LSAMP: variants seen among roughly 807,000 people sequenced by gnomAD.
LSAMP encodes the protein limbic system associated membrane protein.
In LSAMP, 7 loss-of-function variants were observed where a neutral mutation model predicts 38.6. The observed-to-expected ratio is 0.18, with a 90% CI of 0.10 to 0.34. The LOEUF (loss-of-function observed/expected upper bound fraction) is 0.34. LSAMP is among the 10% of genes least tolerant of loss of function. LSAMP has a pLI of 1.00. For missense variants in LSAMP, 313 were observed against 420.0 expected (o/e 0.75, Z 2.23); for synonymous variants, 154 against 166.8 (o/e 0.92, Z 0.59).
At chr3:116,088,783 C>A (rs1462962414) in intron 1 of LSAMP, among the ~76,000 whole-genome samples, 1 of 152,100 alleles carries the variant, frequency 6.6e-6, no homozygotes, top group Non-Finnish European at 1.5e-5. Context: ...GAAAAAATAC[C>A]ACGTAATATA....
At chr3:115,981,915 A>C (rs373451842) in intron 3 of LSAMP, among the ~76,000 whole-genome samples, 1 of 152,202 alleles carries the variant, frequency 6.6e-6, no homozygotes, top group Non-Finnish European at 1.5e-5. Context: ...AGCCCAATCC[A>C]TGTGTGACTA....
At chr3:115,879,912 T>C (rs555802259) in intron 3 of LSAMP, among the ~76,000 whole-genome samples, 1 of 152,252 alleles carries the variant, frequency 6.6e-6, no homozygotes, top group South Asian at 2.1e-4. Flanking sequence ...GAGTTTAAAA[T>C]GTTAGCATAA....
At chr3:116,299,386 G>T (rs1463270622) in intron 1 of LSAMP, among the ~76,000 whole-genome samples, 1 of 152,198 alleles carries the variant, frequency 6.6e-6, no homozygotes, top group Non-Finnish European at 1.5e-5. Flanking sequence ...AAAAGATTCT[G>T]CAGAACCACA....
intron 3 of LSAMP, among the ~76,000 whole-genome samples, chr3:115,861,642 G>A (rs1935705784): frequency 6.6e-6 from 1 of 152,184 alleles, no homozygotes; most frequent in African/African-American, 2.4e-5. Context: ...TAGGTTGGAA[G>A]CTAATGACTT....
At chr3:116,443,826 G>T (rs1416041545) in intron 1 of LSAMP, among the ~76,000 whole-genome samples, 1 of 152,126 alleles carries the variant, frequency 6.6e-6, no homozygotes, top group Non-Finnish European at 1.5e-5. Flanking sequence ...GTTAGCATCT[G>T]CCAGAAATTC....
intron 1 of LSAMP, among the ~76,000 whole-genome samples, chr3:116,333,226 C>T (rs1439248970): frequency 6.6e-6 from 1 of 151,892 alleles, no homozygotes; most frequent in African/African-American, 2.4e-5. Flanking sequence ...TACATTAGGC[C>T]ACAAAGGAAG....
At chr3:115,983,015 T>G (rs1056166286) in intron 3 of LSAMP, among the ~76,000 whole-genome samples, 4 of 151,212 alleles carry the variant, frequency 2.6e-5, no homozygotes, top group Non-Finnish European at 5.9e-5. Context: ...AATTTAAAAG[T>G]AATGCTATGG....
chr3:116,028,836 T>C (rs1290459546), intron 2 of LSAMP, among the ~76,000 whole-genome samples: 1 of 152,050 alleles, frequency 6.6e-6, no homozygotes, highest in Non-Finnish European at 1.5e-5. Flanking sequence ...AATTAATCAT[T>C]AATTGTGGCA....
chr3:115,998,164 G>C (rs1209247185), intron 3 of LSAMP, among the ~76,000 whole-genome samples: 1 of 151,620 alleles, frequency 6.6e-6, no homozygotes, highest in Admixed American at 6.6e-5. Flanking sequence ...ACAGTGAGAG[G>C]GGGAGAAAGA....
chr3:116,100,371 C>T (rs989898748), intron 1 of LSAMP, among the ~76,000 whole-genome samples: 1 of 152,090 alleles, frequency 6.6e-6, no homozygotes, highest in Non-Finnish European at 1.5e-5. Flanking sequence ...TAAGCCACCA[C>T]CCCCAGCCAA....
At chr3:115,860,976 C>A (rs1935660906) in intron 3 of LSAMP, among the ~76,000 whole-genome samples, 1 of 152,118 alleles carries the variant, frequency 6.6e-6, no homozygotes, top group African/African-American at 2.4e-5. Context: ...TCCTTTAAGC[C>A]TGCCAGCACC....
chr3:116,178,671 A>G (rs1435351065), intron 1 of LSAMP, among the ~76,000 whole-genome samples: 2 of 152,194 alleles, frequency 1.3e-5, no homozygotes, highest in African/African-American at 4.8e-5. Context: ...AAGGCTACCA[A>G]ACAAAGAAAC....
intron 1 of LSAMP, among the ~76,000 whole-genome samples, chr3:116,180,231 A>G (rs1274572235): frequency 6.6e-6 from 1 of 152,164 alleles, no homozygotes; most frequent in Non-Finnish European, 1.5e-5. Context: ...TTAGAGTTCA[A>G]CTGAGGCAAT....
At chr3:116,208,717 G>T (rs1294548379) in intron 1 of LSAMP, among the ~76,000 whole-genome samples, 4 of 141,036 alleles carry the variant, frequency 2.8e-5, no homozygotes, top group East Asian at 4.5e-4. Flanking sequence ...CTGCTCGGGG[G>T]TCAGGGGTCA....
At chr3:116,082,355 G>A (rs1379532790) in intron 2 of LSAMP, among the ~76,000 whole-genome samples, 1 of 152,194 alleles carries the variant, frequency 6.6e-6, no homozygotes, top group African/African-American at 2.4e-5. Context: ...TAGATCCTTA[G>A]AGTAGTAGCT....
chr3:116,444,348 A>G (rs1348891962), intron 1 of LSAMP, among the ~76,000 whole-genome samples: 5 of 144,650 alleles, frequency 3.5e-5, no homozygotes, highest in Non-Finnish European at 6.1e-5. Context: ...CAACCTTGAT[A>G]TGTGTGTGTG....
At chr3:115,962,094 A>G (rs1015363813) in intron 3 of LSAMP, among the ~76,000 whole-genome samples, 86 of 152,176 alleles carry the variant, frequency 5.7e-4, no homozygotes, top group African/African-American at 2.0e-3. Context: ...TCAAAATCAC[A>G]TAAACAGTAA....
chr3:116,148,735 AG>A (rs1227209573), intron 1 of LSAMP, among the ~76,000 whole-genome samples: 4 of 152,036 alleles, frequency 2.6e-5, no homozygotes, highest in African/African-American at 7.2e-5. Flanking sequence ...CATCTGTCAG[AG>A]TAATTTAACA....
intron 1 of LSAMP, among the ~76,000 whole-genome samples, chr3:116,338,966 T>C (rs1447345186): frequency 6.6e-6 from 1 of 152,020 alleles, no homozygotes; most frequent in Non-Finnish European, 1.5e-5. Flanking sequence ...CCTGCTGTGA[T>C]AGTTTCAGCG....
Sources: allele counts gnomAD v4.1 joint callset (sites outside exome capture counted in the v4.1 genomes callset), GRCh38; gene constraint gnomAD v4.1.1; transcripts MANE v1.5; gene names NCBI Gene and HGNC (gene_info 2026-07-23, HGNC 2026-07-21).